Variants in RARS2 observed in about 807,000 individuals in gnomAD.
RARS2 encodes the protein arginyl-tRNA synthetase 2, mitochondrial, also known as probable arginine--tRNA ligase, mitochondrial.
In RARS2, 67 loss-of-function variants were observed where a neutral mutation model predicts 88.5. The observed-to-expected ratio is 0.76, with a 90% CI of 0.62 to 0.93. The LOEUF (loss-of-function observed/expected upper bound fraction) is 0.93, where lower values mean the gene tolerates loss of function less well. RARS2 is among the 40% of genes least tolerant of loss of function. RARS2 has a pLI of 0.00. For synonymous variants in RARS2, 239 were observed against 230.3 expected, an observed-to-expected ratio of 1.04 and a Z score of -0.34; for missense variants, 664 against 684.2, an observed-to-expected ratio of 0.97 and a Z score of 0.33.
rs759055799 is a variant in RARS2 at position 87,555,523 on chromosome 6, G to A, written c.298-18C>T. On this transcript the variant is annotated intron_variant, in intron 4 of 19. Coordinates refer to ENST00000369536, the MANE Select transcript of RARS2 (RefSeq NM_020320.5). ...AGCACTGTCTGAAAATTAAAGGACT[G>A]TAATTTAATGAACAAAAATTACAAT... 1.3e-6 allele frequency: 2 copies of A among 1,553,116 alleles called. No individual in the cohort carries two copies. Among genetic ancestry groups the A allele is most frequent in the African/African-American group, 2.7e-5 (2 of 73,694 alleles).
chr6:87,535,649 C>T (rs1778880053), intron 8 of RARS2, among the ~76,000 whole-genome samples: 1 of 148,152 alleles, frequency 6.7e-6, no homozygotes, highest in Non-Finnish European at 1.5e-5. Flanking sequence ...AATTTTTATA[C>T]TATTTGTGTT....
At chr6:87,573,784 A>G (rs1770553327) in intron 1 of RARS2, among the ~76,000 whole-genome samples, 1 of 152,246 alleles carries the variant, frequency 6.6e-6, no homozygotes, top group African/African-American at 2.4e-5. Context: ...CCAACATCAA[A>G]AAGAAAAGGA....
At chr6:87,521,082 A>C (rs1210676998) in intron 12 of RARS2, among the ~76,000 whole-genome samples, 1 of 152,218 alleles carries the variant, frequency 6.6e-6, no homozygotes, top group African/African-American at 2.4e-5. Flanking sequence ...GTTATGTACT[A>C]TCTTTGGGGG....
intron 10 of RARS2, among the ~76,000 whole-genome samples, chr6:87,527,048 C>T (rs1170404572): frequency 6.6e-6 from 1 of 151,912 alleles, no homozygotes; most frequent in African/African-American, 2.4e-5. Context: ...CAGTGGCTCA[C>T]GCCTGTAATC....
rs1305259978 is a variant in RARS2 at position 87,575,012 on chromosome 6, C to T, written c.37-5422G>A. Among the ~76,000 whole-genome samples the T allele has an allele frequency of 2.6e-5, 4 of 151,762 alleles. No homozygotes were observed. In the East Asian group the frequency reaches 5.8e-4, roughly 22 times the overall value. On this transcript the variant is annotated intron_variant, in intron 1 of 19. Coordinates refer to ENST00000369536, the MANE Select transcript of RARS2 (RefSeq NM_020320.5). ...TACAAAAAGAATGAAGACTAGCAAA[C>T]AAACATGCAGACAGGAAGGAAGGAA... is the stretch of plus-strand genomic sequence containing the variant.
intron 2 of RARS2, among the ~76,000 whole-genome samples, chr6:87,566,149 GA>G (rs544003576): frequency 1.3e-5 from 2 of 151,594 alleles, no homozygotes; most frequent in African/African-American, 2.4e-5. Flanking sequence ...CAATCTCTAA[GA>G]AAAAAAATTT....
chr6:87,571,415 T>A (rs1769682220), intron 1 of RARS2, among the ~76,000 whole-genome samples: 1 of 152,138 alleles, frequency 6.6e-6, no homozygotes, highest in Admixed American at 6.5e-5. Flanking sequence ...TTATTAGCAG[T>A]GTGAGAACAG....
At chr6:87,519,208 G>GTGTGTGTA (rs1210109506) in intron 14 of RARS2, 74 of 257,720 alleles carry the variant, frequency 2.9e-4, no homozygotes, top group Non-Finnish European at 4.9e-4. Context: ...GTGTGTGTGT[G>GTGTGTGTA]TATATATATA....
At chr6:87,518,538 G>T in intron 16 of RARS2, 92 bp downstream of exon 16, 1 of 1,395,618 alleles carries the variant, frequency 7.2e-7, no homozygotes, top group Non-Finnish European at 1.0e-6. Context: ...TATTGGAAAA[G>T]CCCAGAAAAC....
intron 1 of RARS2, among the ~76,000 whole-genome samples, chr6:87,577,773 G>A (rs748051273): frequency 1.3e-5 from 2 of 152,184 alleles, no homozygotes; most frequent in African/African-American, 2.4e-5. Context: ...TCATTTGTGA[G>A]AGTGCCAATG....
At chr6:87,588,735 C>T (rs1229666426) in intron 1 of RARS2, among the ~76,000 whole-genome samples, 2 of 152,166 alleles carry the variant, frequency 1.3e-5, no homozygotes, top group Admixed American at 1.3e-4. Flanking sequence ...GCACTCTTTG[C>T]TTTTCCTATC....
intron 4 of RARS2, among the ~76,000 whole-genome samples, chr6:87,559,729 C>A (rs1163921238): frequency 6.6e-6 from 1 of 152,026 alleles, no homozygotes; most frequent in African/African-American, 2.4e-5. Context: ...TTTTTATAAA[C>A]CCATTGTAAC....
At position 87,541,695 on chromosome 6, in the gene RARS2, AC is replaced by A. The variant is rs541662865; in HGVS notation, c.612+222del. Reference sequence around the variant, plus strand: ...AAAAATTAGCTGGTTATGGTGGCATACGCCTGTAGTCCCAGCTACTTGGGAG... The same window carrying A: ...AAAAATTAGCTGGTTATGGTGGCATAGCCTGTAGTCCCAGCTACTTGGGAG... On this transcript the variant is annotated intron_variant, in intron 8 of 19. Transcript: ENST00000369536. 4.6e-5 allele frequency among the ~76,000 whole-genome samples: 7 copies of A among 152,170 alleles called. 1 individual carries two copies. The South Asian group carries it at 1.2e-3, about 27-fold the overall frequency.
intron 4 of RARS2, among the ~76,000 whole-genome samples, chr6:87,562,204 C>T (rs1458874118): frequency 6.6e-6 from 1 of 152,186 alleles, no homozygotes; most frequent in East Asian, 1.9e-4. Flanking sequence ...ATCCTCCTGC[C>T]TCAGCCTCCC....
intron 8 of RARS2, among the ~76,000 whole-genome samples, chr6:87,534,912 A>C (rs1055614645): frequency 9.9e-5 from 15 of 152,188 alleles, no homozygotes; most frequent in South Asian, 2.1e-4. Context: ...GAAGAGCTGC[A>C]TGCCTCCAAG....
intron 4 of RARS2, among the ~76,000 whole-genome samples, chr6:87,557,038 G>A (rs1786175613): frequency 6.6e-6 from 1 of 151,378 alleles, no homozygotes; most frequent in African/African-American, 2.4e-5. Flanking sequence ...TCTCTAAATG[G>A]AACAGGCAGA....
At chr6:87,534,962 T>C (rs1181451035) in intron 8 of RARS2, among the ~76,000 whole-genome samples, 6 of 152,112 alleles carry the variant, frequency 3.9e-5, no homozygotes, top group African/African-American at 1.4e-4. Flanking sequence ...AAGAGACCAG[T>C]GTGCACTGAA....
chr6:87,559,049 G>A (rs1786947628), intron 4 of RARS2, among the ~76,000 whole-genome samples: 1 of 151,958 alleles, frequency 6.6e-6, no homozygotes, highest in Non-Finnish European at 1.5e-5. Flanking sequence ...TTGTGTCTTG[G>A]CTTTTAACAA....
intron 14 of RARS2, 78 bp downstream of exon 14, chr6:87,519,505 A>C: frequency 1.3e-6 from 2 of 1,482,378 alleles, no homozygotes; most frequent in Admixed American, 3.4e-5. Context: ...AGACATAATA[A>C]ATCACACTGC....
Sources: gnomAD v4.1 joint callset for allele counts (sites outside exome capture counted in the v4.1 genomes callset) on GRCh38, gnomAD v4.1.1 for gene constraint, MANE v1.5 for transcripts, NCBI Gene and HGNC (gene_info 2026-07-23, HGNC 2026-07-21) for gene names.